The following PXDNL variants were observed in gnomAD, a reference collection of about 807,000 sequenced individuals.
PXDNL encodes the protein peroxidasin like, also known as probable oxidoreductase PXDNL.
PXDNL carries 145 observed loss-of-function variants against 150.8 expected under a neutral mutation model. That is an observed-to-expected ratio of 0.96 (90% CI 0.84 to 1.10). The LOEUF (loss-of-function observed/expected upper bound fraction) is 1.10. Ranked by LOEUF, PXDNL falls within the 50% of genes least tolerant of loss-of-function variation. The pLI is 0.00. For synonymous variants in PXDNL, 757 were observed against 725.7 expected, an observed-to-expected ratio of 1.04 and a Z score of -0.69; for missense variants, 2,087 against 1,873.9, an observed-to-expected ratio of 1.11 and a Z score of -2.10.
At chr8:51,354,169 T>C (rs1275581750) in intron 19 of PXDNL, among the ~76,000 whole-genome samples, 1 of 152,144 alleles carries the variant, frequency 6.6e-6, no homozygotes, top group African/African-American at 2.4e-5. Context: ...TATGGGAACA[T>C]ATTTGAAACC....
At chr8:51,602,895 G>T (rs1314198266) in intron 2 of PXDNL, among the ~76,000 whole-genome samples, 1 of 149,424 alleles carries the variant, frequency 6.7e-6, no homozygotes, top group Non-Finnish European at 1.5e-5. Context: ...TTATGGCTTT[G>T]GATTTTGTAT....
intron 13 of PXDNL, among the ~76,000 whole-genome samples, chr8:51,424,538 A>ATG (rs1214504693): frequency 3.3e-5 from 5 of 151,942 alleles, no homozygotes; most frequent in African/African-American, 1.2e-4. Context: ...ATATATATAT[A>ATG]TACACAATTA....
At chr8:51,628,901 G>A (rs1814426561) in intron 2 of PXDNL, among the ~76,000 whole-genome samples, 1 of 148,896 alleles carries the variant, frequency 6.7e-6, no homozygotes, top group Non-Finnish European at 1.5e-5. Context: ...AAATCTTGAA[G>A]AGGGGAAAAA....
At chr8:51,651,184 C>G (rs967537407) in intron 2 of PXDNL, among the ~76,000 whole-genome samples, 1 of 152,144 alleles carries the variant, frequency 6.6e-6, no homozygotes, top group Non-Finnish European at 1.5e-5. Context: ...GTTAAACACT[C>G]TACAAACTGC....
chr8:51,524,987 G>T (rs4873558), intron 4 of PXDNL, among the ~76,000 whole-genome samples: 29,504 of 152,180 alleles, frequency 0.19, 3,326 homozygotes, highest in African/African-American at 0.3. Context: ...TGGAACAGGG[G>T]TGTGTTGAAC....
chr8:51,592,955 G>C (rs1306643030), intron 2 of PXDNL, among the ~76,000 whole-genome samples: 2 of 152,026 alleles, frequency 1.3e-5, no homozygotes, highest in Admixed American at 6.6e-5. Flanking sequence ...CAACCCAGAG[G>C]TAAAATTCTT....
chr8:51,707,880 T>C (rs554093755), intron 1 of PXDNL, among the ~76,000 whole-genome samples: 3 of 152,260 alleles, frequency 2.0e-5, no homozygotes, highest in African/African-American at 7.2e-5. Flanking sequence ...TGAATAATAG[T>C]CCACGTGTGT....
chr8:51,362,086 T>C (rs1163416330), intron 19 of PXDNL, among the ~76,000 whole-genome samples: 1 of 152,136 alleles, frequency 6.6e-6, no homozygotes, highest in Non-Finnish European at 1.5e-5. Context: ...AGAGACTTTT[T>C]ACAAATGGCA....
At chr8:51,335,111 T>C (rs928214921) in intron 21 of PXDNL, among the ~76,000 whole-genome samples, 1 of 152,240 alleles carries the variant, frequency 6.6e-6, no homozygotes, top group Non-Finnish European at 1.5e-5. Flanking sequence ...ACAGTTCTAA[T>C]GTATGCATTT....
chr8:51,462,546 T>C (rs1168911014), intron 8 of PXDNL, among the ~76,000 whole-genome samples: 2 of 151,970 alleles, frequency 1.3e-5, no homozygotes, highest in Non-Finnish European at 2.9e-5. Flanking sequence ...GAGGCAAGAA[T>C]CTCAGAGCTC....
In PXDNL at chr8:51,809,296, AC is replaced by A. The variant is rs749439663; in HGVS notation, c.48del (p.Trp17GlyfsTer24). The A allele has an allele frequency of 2.7e-5, 43 of 1,583,956 alleles. No individual in the cohort carries two copies. The highest frequency in any genetic ancestry group is 3.7e-5 in the Non-Finnish European group (43 of 1,165,038). On this transcript the variant is annotated frameshift_variant, in exon 1 of 23. Transcript: ENST00000356297. LOFTEE classifies it high-confidence loss of function. ...FCWTTLFLLA[G>X]WCLPGLPCPS... ...GGGCAGGGCAACCCTGGCAGGCACC[AC>A]CCGGCCAGGAGAAAGAGAGTGGTCC...
intron 6 of PXDNL, among the ~76,000 whole-genome samples, chr8:51,482,566 TG>T (rs1045102946): frequency 1.3e-5 from 2 of 152,188 alleles, no homozygotes; most frequent in African/African-American, 4.8e-5. Flanking sequence ...ATGGTTTGGC[TG>T]TGTCCCCACC....
intron 21 of PXDNL, among the ~76,000 whole-genome samples, chr8:51,326,015 T>C (rs1805472660): frequency 6.6e-6 from 1 of 152,198 alleles, no homozygotes; most frequent in Non-Finnish European, 1.5e-5. Flanking sequence ...TGTCTGTTGA[T>C]GTGCTCAGGT....
At chr8:51,789,030 T>C (rs147156034) in intron 1 of PXDNL, among the ~76,000 whole-genome samples, 3 of 151,412 alleles carry the variant, frequency 2.0e-5, no homozygotes, top group African/African-American at 7.4e-5. Context: ...TTTTTCTTTT[T>C]TTTAATACCC....
chr8:51,534,939 G>C (rs1321171062), intron 4 of PXDNL, among the ~76,000 whole-genome samples: 6 of 109,094 alleles, frequency 5.5e-5, no homozygotes, highest in Admixed American at 3.9e-4. Context: ...CCCTCTGCCC[G>C]GCCAGCCGCC....
At chr8:51,446,001 T>A (rs1005665608) in intron 12 of PXDNL, among the ~76,000 whole-genome samples, 34 of 151,362 alleles carry the variant, frequency 2.2e-4, no homozygotes, top group Non-Finnish European at 8.8e-5. Context: ...AAAAAAAAAA[T>A]TTAGTATGTC....
intron 4 of PXDNL, among the ~76,000 whole-genome samples, chr8:51,529,554 A>G (rs1461862198): frequency 6.6e-6 from 1 of 152,198 alleles, no homozygotes; most frequent in East Asian, 1.9e-4. Flanking sequence ...GTCTGGGTGA[A>G]TTGGGATTCA....
intron 19 of PXDNL, among the ~76,000 whole-genome samples, chr8:51,359,939 G>A (rs944467683): frequency 9.9e-5 from 15 of 151,792 alleles, no homozygotes; most frequent in African/African-American, 1.5e-4. Flanking sequence ...ACTGTTCAGC[G>A]GGAAAAAGAT....
At chr8:51,401,645 A>C (rs1156697468) in intron 17 of PXDNL, among the ~76,000 whole-genome samples, 1 of 152,192 alleles carries the variant, frequency 6.6e-6, no homozygotes, top group Non-Finnish European at 1.5e-5. Context: ...CCCTTTTCCT[A>C]TGTCTGAGAT....
Sources: gnomAD v4.1 joint callset for allele counts (sites outside exome capture counted in the v4.1 genomes callset) on GRCh38, gnomAD v4.1.1 for gene constraint, MANE v1.5 for transcripts, NCBI Gene and HGNC (gene_info 2026-07-23, HGNC 2026-07-21) for gene names.